SIPA1L1: variants seen among roughly 807,000 people sequenced by gnomAD.
SIPA1L1 encodes signal induced proliferation associated 1 like 1, also known as signal-induced proliferation-associated 1-like protein 1.
A neutral mutation model predicts 162.7 loss-of-function variants in SIPA1L1; 26 were observed. The ratio of observed to expected loss-of-function variants is 0.16; its 90% CI spans 0.12 to 0.22. The LOEUF is 0.22. Among genes scored for constraint, SIPA1L1 ranks in the 10% least tolerant of loss-of-function variants. The pLI, the probability that SIPA1L1 is intolerant of heterozygous loss-of-function variation, is 1.00. For synonymous variants in SIPA1L1, 829 were observed against 837.4 expected, an observed-to-expected ratio of 0.99 and a Z score of 0.17; for missense variants, 1,874 against 2,241.0, an observed-to-expected ratio of 0.84 and a Z score of 3.31.
At chr14:71,422,671 A>C (rs1026245839) in intron 2 of SIPA1L1, among the ~76,000 whole-genome samples, 7 of 152,218 alleles carry the variant, frequency 4.6e-5, no homozygotes, top group Non-Finnish European at 1.0e-4. Flanking sequence ...CTTCTTTATA[A>C]AGCGGAATAA....
Position 71,610,021 on chromosome 14 carries a change from G to GA in SIPA1L1, c.1499-8729dup, listed in dbSNP as rs140410570. On this transcript the variant is annotated intron_variant, in intron 5 of 23. Coordinates refer to ENST00000381232, the MANE Select transcript of SIPA1L1 (RefSeq NM_001386936.1). The stretch of plus-strand genomic sequence containing the variant: ...TGGACGTGCTTCTTTCTTATTTCAT[G>GA]AAAAAAAGACCTGGCAGCAGCTCTG... 7.1e-3 allele frequency among the ~76,000 whole-genome samples: 1,084 copies of GA among 152,076 alleles called. 6 individuals carry two copies. The highest frequency in any genetic ancestry group is 0.012 in the Non-Finnish European group (825 of 67,978).
intron 2 of SIPA1L1, among the ~76,000 whole-genome samples, chr14:71,438,392 C>A (rs1456906345): frequency 6.6e-6 from 1 of 152,118 alleles, no homozygotes; most frequent in Non-Finnish European, 1.5e-5. Flanking sequence ...GCTCTTGTTC[C>A]CACTCCTGAC....
chr14:71,506,946 G>A (rs1465915742), intron 2 of SIPA1L1, among the ~76,000 whole-genome samples: 3 of 151,880 alleles, frequency 2.0e-5, no homozygotes, highest in Non-Finnish European at 4.4e-5. Context: ...TTACAGGCGT[G>A]AGCTACCTTG....
intron 2 of SIPA1L1, among the ~76,000 whole-genome samples, chr14:71,493,470 A>G (rs140947313): frequency 5.3e-5 from 8 of 152,346 alleles, no homozygotes; most frequent in East Asian, 3.9e-4. Flanking sequence ...TACAAATTCA[A>G]TTATTTTTGT....
At chr14:71,514,246 G>A (rs986426365) in intron 3 of SIPA1L1, among the ~76,000 whole-genome samples, 3 of 152,168 alleles carry the variant, frequency 2.0e-5, no homozygotes, top group Admixed American at 1.3e-4. Context: ...AGGGTCTGGC[G>A]TCCTTTCTGC....
At chr14:71,619,437 T>A (rs2039184653) in intron 6 of SIPA1L1, among the ~76,000 whole-genome samples, 1 of 152,160 alleles carries the variant, frequency 6.6e-6, no homozygotes, top group South Asian at 2.1e-4. Flanking sequence ...AAACAGGCTG[T>A]TAGAGCTCTT....
chr14:71,648,316 A>G (rs770926715), intron 7 of SIPA1L1, among the ~76,000 whole-genome samples: 16 of 152,160 alleles, frequency 1.1e-4, no homozygotes, highest in Non-Finnish European at 2.2e-4. Flanking sequence ...ATATATATCC[A>G]GGAACCCTCC....
At chr14:71,644,155 A>T (rs1378804670) in intron 7 of SIPA1L1, among the ~76,000 whole-genome samples, 1 of 152,000 alleles carries the variant, frequency 6.6e-6, no homozygotes, top group Admixed American at 6.6e-5. Context: ...ATCTGAAATC[A>T]TGAGTTAATC....
chr14:71,625,834 G>A (rs1040221765), intron 7 of SIPA1L1, among the ~76,000 whole-genome samples: 2 of 152,166 alleles, frequency 1.3e-5, no homozygotes, highest in Non-Finnish European at 2.9e-5. Context: ...ATTATTTTAT[G>A]TAAAGGAGAT....
intron 7 of SIPA1L1, among the ~76,000 whole-genome samples, chr14:71,646,840 TTAAAG>T (rs1400512469): frequency 6.6e-6 from 1 of 152,238 alleles, no homozygotes; most frequent in African/African-American, 2.4e-5. Flanking sequence ...GATCATTACC[TTAAAG>T]TATTGTATAT....
chr14:71,672,741 A>G (rs771411082), intron 12 of SIPA1L1, 119 bp downstream of exon 12: 359 of 1,088,548 alleles, frequency 3.3e-4, no homozygotes, highest in Non-Finnish European at 1.7e-4. Flanking sequence ...GTTACATGTG[A>G]TGCTGAATGT....
At chr14:71,601,103 C>T (rs2036696374) in intron 5 of SIPA1L1, among the ~76,000 whole-genome samples, 1 of 151,928 alleles carries the variant, frequency 6.6e-6, no homozygotes, top group African/African-American at 2.4e-5. Context: ...TTTCTTTTAC[C>T]TGATTGCTCT....
chr14:71,577,119 G>A (rs546448518), intron 4 of SIPA1L1, among the ~76,000 whole-genome samples: 34 of 151,222 alleles, frequency 2.2e-4, no homozygotes, highest in African/African-American at 8.0e-4. Flanking sequence ...GGCAGTTGAG[G>A]AGCCACTGAA....
chr14:71,356,110 C>T (rs145704212), intron 2 of SIPA1L1, among the ~76,000 whole-genome samples: 1 of 152,046 alleles, frequency 6.6e-6, no homozygotes, highest in African/African-American at 2.4e-5. Context: ...GACTCACCCC[C>T]CTTCTTCCAC....
chr14:71,466,029 T>C (rs1019902739), intron 2 of SIPA1L1, among the ~76,000 whole-genome samples: 15 of 152,196 alleles, frequency 9.9e-5, no homozygotes, highest in African/African-American at 3.4e-4. Flanking sequence ...CAAATGTTAA[T>C]CTTTTTTGGC....
chr14:71,693,515 G>T (rs147445070), intron 13 of SIPA1L1, among the ~76,000 whole-genome samples: 1 of 152,164 alleles, frequency 6.6e-6, no homozygotes, highest in Non-Finnish European at 1.5e-5. Context: ...AAAAGAACAG[G>T]ATTCCCATGA....
At chr14:71,506,315 C>T (rs2050662865) in intron 2 of SIPA1L1, among the ~76,000 whole-genome samples, 1 of 151,968 alleles carries the variant, frequency 6.6e-6, no homozygotes, top group Non-Finnish European at 1.5e-5. Context: ...CTGGGAGTGC[C>T]ATTAATTACT....
chr14:71,684,413 G>A (rs930336831), intron 12 of SIPA1L1, among the ~76,000 whole-genome samples: 5 of 152,276 alleles, frequency 3.3e-5, no homozygotes, highest in Admixed American at 6.5e-5. Context: ...CCCTCCCCGC[G>A]CCTTCAGCCT....
At chr14:71,528,165 A>G (rs886723995) in intron 3 of SIPA1L1, among the ~76,000 whole-genome samples, 3 of 152,230 alleles carry the variant, frequency 2.0e-5, no homozygotes, top group Middle Eastern at 3.4e-3. Flanking sequence ...AGATTTTACT[A>G]AGTAAGATGA....
Sources: allele counts gnomAD v4.1 joint callset (sites outside exome capture counted in the v4.1 genomes callset), GRCh38; gene constraint gnomAD v4.1.1; transcripts MANE v1.5; gene names NCBI Gene and HGNC (gene_info 2026-07-23, HGNC 2026-07-21).